PARD3: variants seen among roughly 807,000 people sequenced by gnomAD.
The protein encoded by PARD3 is par-3 family cell polarity regulator.
In PARD3, 75 loss-of-function variants were observed where a neutral mutation model predicts 155.4. The ratio of observed to expected loss-of-function variants is 0.48; its 90% CI spans 0.40 to 0.58. The LOEUF (loss-of-function observed/expected upper bound fraction) is 0.58. Ranked by LOEUF, PARD3 falls within the 20% of genes least tolerant of loss-of-function variation. The pLI, the probability that PARD3 is intolerant of heterozygous loss-of-function variation, is 0.00. For missense variants in PARD3, 1,642 were observed against 1,721.7 expected (o/e 0.95, Z 0.82); for synonymous variants, 576 against 610.5 (o/e 0.94, Z 0.83).
At chr10:34,670,180 T>C (rs577484993) in intron 2 of PARD3, among the ~76,000 whole-genome samples, 18 of 152,382 alleles carry the variant, frequency 1.2e-4, no homozygotes, top group African/African-American at 4.3e-4. Flanking sequence ...ATTTGGCGGC[T>C]AGCCTCCCAA....
chr10:34,805,603 T>C (rs1289056789), intron 1 of PARD3, among the ~76,000 whole-genome samples: 1 of 150,724 alleles, frequency 6.6e-6, no homozygotes, highest in Non-Finnish European at 1.5e-5. Context: ...ATCATACATC[T>C]GTAATTCACA....
In PARD3 at chr10:34,382,452, T is replaced by C. The variant is rs189200342; in HGVS notation, c.1399+88A>G. 3.7e-4 allele frequency: 519 copies of C among 1,408,396 alleles called. 4 individuals carry two copies. In the African/African-American group the frequency reaches 6.8e-3, roughly 18 times the overall value. 87.2% of individuals were successfully genotyped at this position (1,408,396 alleles called of 1,614,324 possible). Reference sequence around the variant, plus strand: ...ACTCAGGGTGCTTTGGGTTAGTAGGTTGACTTTTAAAATAAATTCCATTTC... The same window carrying C: ...ACTCAGGGTGCTTTGGGTTAGTAGGCTGACTTTTAAAATAAATTCCATTTC... On this transcript the variant is annotated intron_variant, in intron 9 of 24. Coordinates refer to ENST00000374788, the MANE Select transcript of PARD3 (RefSeq NM_001184785.2).
intron 3 of PARD3, among the ~76,000 whole-genome samples, chr10:34,497,534 A>T (rs2080378504): frequency 6.6e-6 from 1 of 152,190 alleles, no homozygotes; most frequent in Admixed American, 6.5e-5. Context: ...ATATTTTTTT[A>T]AAGAAAAGCT....
chr10:34,134,224 T>C (rs1282621533), intron 22 of PARD3, among the ~76,000 whole-genome samples: 1 of 152,202 alleles, frequency 6.6e-6, no homozygotes, highest in Admixed American at 6.5e-5. Flanking sequence ...GTTACCTTCA[T>C]AAGACAAAAG....
At chr10:34,418,083 C>G (rs1845841107) in intron 5 of PARD3, among the ~76,000 whole-genome samples, 1 of 152,106 alleles carries the variant, frequency 6.6e-6, no homozygotes, top group Non-Finnish European at 1.5e-5. Context: ...GAATAGTGAA[C>G]TTCGAAATTT....
rs1219887810 is a variant in PARD3, at chr10:34,374,869, C to T, written c.1668+5G>A. ...AAATCTTTCATCTACTCTAAATTTACACACCAGTTCCCTTGGGTGGAAGGC... is the reference window on the plus strand; with the variant it reads ...AAATCTTTCATCTACTCTAAATTTATACACCAGTTCCCTTGGGTGGAAGGC... On this transcript the variant is annotated splice_donor_5th_base_variant and intron_variant, in intron 11 of 24. Coordinates refer to ENST00000374788, the MANE Select transcript of PARD3 (RefSeq NM_001184785.2). 6.2e-7 allele frequency: 1 copy of T among 1,613,034 alleles called. No individual in the cohort carries two copies. The highest frequency in any genetic ancestry group is 8.5e-7 in the Non-Finnish European group (1 of 1,179,650).
At chr10:34,754,708 G>A (rs1290723485) in intron 1 of PARD3, among the ~76,000 whole-genome samples, 1 of 152,178 alleles carries the variant, frequency 6.6e-6, no homozygotes, top group Admixed American at 6.5e-5. Flanking sequence ...ATGAAACTAT[G>A]CCAACCTCCA....
chr10:34,431,374 CA>C (rs1376995457), intron 5 of PARD3, among the ~76,000 whole-genome samples: 2 of 152,120 alleles, frequency 1.3e-5, no homozygotes, highest in Admixed American at 6.5e-5. Flanking sequence ...AGCAGTCCAC[CA>C]GAGCACAAAA....
rs542921101 is a variant in PARD3 at position 34,299,958 on chromosome 10, G to A, written c.3066-15713C>T. 1.1e-3 allele frequency among the ~76,000 whole-genome samples: 162 copies of A among 152,226 alleles called. 1 individual carries two copies. Among genetic ancestry groups the A allele is most frequent in the African/African-American group, 3.7e-3 (154 of 41,554 alleles). ...GTGTCACAGTAGGAAAAACATATAA[G>A]TCTACACTTTCCTGGGAAATACACT... On this transcript the variant is annotated intron_variant, in intron 20 of 24. Transcript: ENST00000374788.
At chr10:34,360,994 C>T (rs1162233540) in intron 12 of PARD3, among the ~76,000 whole-genome samples, 1 of 152,154 alleles carries the variant, frequency 6.6e-6, no homozygotes, top group Non-Finnish European at 1.5e-5. Context: ...GTTCACCTCC[C>T]TTAAAACAGA....
At chr10:34,619,038 T>C (rs908144598) in intron 2 of PARD3, among the ~76,000 whole-genome samples, 3 of 150,828 alleles carry the variant, frequency 2.0e-5, no homozygotes, top group Admixed American at 2.0e-4. Context: ...TATAGTCCCA[T>C]AAAGCCTTTT....
At chr10:34,792,532 C>G (rs1186202705) in intron 1 of PARD3, among the ~76,000 whole-genome samples, 1 of 152,218 alleles carries the variant, frequency 6.6e-6, no homozygotes, top group Non-Finnish European at 1.5e-5. Flanking sequence ...CACCCAGAGT[C>G]ACAAAGCCAG....
chr10:34,684,780 C>CAT (rs1554810097), intron 2 of PARD3, among the ~76,000 whole-genome samples: 3 of 5,916 alleles, frequency 5.1e-4, no homozygotes, highest in Non-Finnish European at 1.0e-3. Flanking sequence ...ATGATACATA[C>CAT]ACACACACAC....
chr10:34,700,659 C>T (rs2094257455), intron 1 of PARD3, among the ~76,000 whole-genome samples: 1 of 152,154 alleles, frequency 6.6e-6, no homozygotes, highest in Non-Finnish European at 1.5e-5. Flanking sequence ...ACAATCATCA[C>T]CCAACATCAG....
intron 2 of PARD3, among the ~76,000 whole-genome samples, chr10:34,690,717 AAAG>A (rs1311766584): frequency 1.3e-4 from 20 of 152,322 alleles, no homozygotes; most frequent in Admixed American, 1.1e-3. Context: ...GTCAAGGTGT[AAAG>A]AAGGATGGCA....
At chr10:34,158,246 A>C (rs1949108113) in intron 22 of PARD3, among the ~76,000 whole-genome samples, 1 of 152,182 alleles carries the variant, frequency 6.6e-6, no homozygotes, top group Non-Finnish European at 1.5e-5. Flanking sequence ...AAAACCACAA[A>C]AGAGAGAGAG....
chr10:34,796,895 G>A (rs556948630), intron 1 of PARD3, among the ~76,000 whole-genome samples: 59 of 152,344 alleles, frequency 3.9e-4, no homozygotes, highest in African/African-American at 1.3e-3. Flanking sequence ...TGATGCAGGA[G>A]AATCACTTGA....
intron 22 of PARD3, among the ~76,000 whole-genome samples, chr10:34,137,138 T>C (rs935769435): frequency 8.5e-5 from 13 of 152,222 alleles, no homozygotes; most frequent in African/African-American, 3.1e-4. Context: ...AGGATACATG[T>C]GCAGGATGTG....
chr10:34,619,280 C>T lies in PARD3; in HGVS notation c.222+77038G>A, dbSNP rs1369813149. ...GGCCAGGCTGGTCTCGAACTGCTGACCTCAAGTGATCTGTCCGCCTCAGCC... is the reference window on the plus strand; with the variant it reads ...GGCCAGGCTGGTCTCGAACTGCTGATCTCAAGTGATCTGTCCGCCTCAGCC... On this transcript the variant is annotated intron_variant, in intron 2 of 24. Transcript: ENST00000374788. Among the ~76,000 whole-genome samples, 6 of 152,094 alleles carry T rather than the reference C, an allele frequency of 3.9e-5. 1 individual carries two copies. The South Asian group carries it at 1.2e-3, about 32-fold the overall frequency.
Sources: gnomAD v4.1 joint callset for allele counts (sites outside exome capture counted in the v4.1 genomes callset) on GRCh38, gnomAD v4.1.1 for gene constraint, MANE v1.5 for transcripts, NCBI Gene and HGNC (gene_info 2026-07-23, HGNC 2026-07-21) for gene names.